Variants in PPARGC1A observed in about 807,000 individuals in gnomAD.
The protein encoded by PPARGC1A is peroxisome proliferator-activated receptor gamma coactivator 1-alpha.
A neutral mutation model predicts 88.7 loss-of-function variants in PPARGC1A; 25 were observed. The observed-to-expected ratio is 0.28, with a 90% CI of 0.21 to 0.39. The LOEUF (loss-of-function observed/expected upper bound fraction) is 0.39, where lower values mean the gene tolerates loss of function less well. PPARGC1A is among the 10% of genes least tolerant of loss of function. PPARGC1A has a pLI of 1.00. For synonymous variants in PPARGC1A, 363 were observed against 355.6 expected, an observed-to-expected ratio of 1.02 and a Z score of -0.24; for missense variants, 880 against 968.7, an observed-to-expected ratio of 0.91 and a Z score of 1.22.
the PPARGC1A span, among the ~76,000 whole-genome samples, chr4:24,470,679 G>A: frequency 6.6e-6 from 1 of 151,988 alleles, no homozygotes; most frequent in Non-Finnish European, 1.5e-5. The surrounding 1 kb of genome is among the most constrained non-coding windows in gnomAD (Gnocchi z 5.8). Flanking sequence ...CCGCCCGAAC[G>A]GCCGGCGTAC....
chr4:23,804,756 C>T (rs561406365), intron 10 of PPARGC1A, among the ~76,000 whole-genome samples: 2 of 152,258 alleles, frequency 1.3e-5, no homozygotes, highest in African/African-American at 4.8e-5. Flanking sequence ...CTTCCCAAAG[C>T]CTTTGCACAT....
At chr4:23,845,019 A>C (rs1728064144) in intron 2 of PPARGC1A, among the ~76,000 whole-genome samples, 1 of 151,148 alleles carries the variant, frequency 6.6e-6, no homozygotes, top group South Asian at 2.1e-4. Flanking sequence ...ACTTGCAATG[A>C]GTAAGAAATT....
the PPARGC1A span, among the ~76,000 whole-genome samples, chr4:24,357,122 G>A: frequency 6.6e-6 from 1 of 152,216 alleles, no homozygotes; most frequent in Non-Finnish European, 1.5e-5. Flanking sequence ...TGAGCGTTCA[G>A]GTGCCATAGC....
At chr4:24,065,861 C>T in the PPARGC1A span, among the ~76,000 whole-genome samples, 1 of 152,090 alleles carries the variant, frequency 6.6e-6, no homozygotes, top group Non-Finnish European at 1.5e-5. Flanking sequence ...TACAGAGGAA[C>T]CCCCTGTGCT....
At chr4:24,452,920 C>T in the PPARGC1A span, among the ~76,000 whole-genome samples, 3 of 152,160 alleles carry the variant, frequency 2.0e-5, no homozygotes, top group Non-Finnish European at 2.9e-5. Context: ...CTGTGTTCCT[C>T]CTACCCCCTA....
the PPARGC1A span, among the ~76,000 whole-genome samples, chr4:24,153,022 T>G: frequency 1.2e-3 from 182 of 152,356 alleles, no homozygotes; most frequent in African/African-American, 4.2e-3. Context: ...TGTTCTTCCC[T>G]GCTGTGGACA....
the PPARGC1A span, among the ~76,000 whole-genome samples, chr4:24,020,568 A>C: frequency 2.0e-5 from 3 of 152,202 alleles, no homozygotes; most frequent in African/African-American, 4.8e-5. Flanking sequence ...CTGCTACTAG[A>C]GAATTCAATG....
the PPARGC1A span, among the ~76,000 whole-genome samples, chr4:24,339,800 G>A: frequency 6.6e-6 from 1 of 152,148 alleles, no homozygotes; most frequent in Non-Finnish European, 1.5e-5. Context: ...GTGCAGTGGT[G>A]CGATCTCGGC....
At chr4:24,363,805 C>T in the PPARGC1A span, among the ~76,000 whole-genome samples, 3 of 152,194 alleles carry the variant, frequency 2.0e-5, no homozygotes, top group Non-Finnish European at 4.4e-5. Context: ...TTATGCCTTT[C>T]TTCCACTGAG....
chr4:24,174,912 C>T, the PPARGC1A span, among the ~76,000 whole-genome samples: 195 of 152,308 alleles, frequency 1.3e-3, no homozygotes, highest in Admixed American at 0.011. Flanking sequence ...CCCTGCCCAA[C>T]GCAGGGCCTC....
chr4:24,277,119 G>T, the PPARGC1A span, among the ~76,000 whole-genome samples: 5 of 152,142 alleles, frequency 3.3e-5, no homozygotes, highest in African/African-American at 2.4e-5. Context: ...TTGAGGCAGG[G>T]TCTCGCTCTG....
the PPARGC1A span, among the ~76,000 whole-genome samples, chr4:24,223,043 G>A: frequency 5.1e-4 from 78 of 152,206 alleles, no homozygotes; most frequent in African/African-American, 1.6e-3. Flanking sequence ...GCGTAACAGT[G>A]TAAAATGTTT....
the PPARGC1A span, among the ~76,000 whole-genome samples, chr4:24,328,892 A>G: frequency 2.0e-5 from 3 of 152,172 alleles, no homozygotes. Flanking sequence ...CTGGAAAATT[A>G]TAGTCTCGGA....
the PPARGC1A span, among the ~76,000 whole-genome samples, chr4:23,986,232 G>A: frequency 2.0e-5 from 3 of 151,800 alleles, no homozygotes; most frequent in Non-Finnish European, 4.4e-5. Context: ...CCTTAAGGCA[G>A]ATTAAAAAAA....
At chr4:23,880,886 C>G (rs1715793233) in intron 2 of PPARGC1A, 1 of 152,184 alleles carries the variant, frequency 6.6e-6, no homozygotes, top group South Asian at 2.1e-4. Flanking sequence ...CGACTGCATT[C>G]TCACTTGCCA....
chr4:24,308,293 G>GAAAAA, the PPARGC1A span, among the ~76,000 whole-genome samples: 4 of 72,942 alleles, frequency 5.5e-5, no homozygotes, highest in South Asian at 5.7e-4. Context: ...CTCTGCCACC[G>GAAAAA]AAAAAAAAAA....
chr4:24,287,666 A>ACACACACACACAC, the PPARGC1A span, among the ~76,000 whole-genome samples: 2 of 138,528 alleles, frequency 1.4e-5, no homozygotes, highest in African/African-American at 5.0e-5. Context: ...ACACACACAC[A>ACACACACACACAC]ACTGCACTCA....
At chr4:24,130,924 C>T in the PPARGC1A span, among the ~76,000 whole-genome samples, 1 of 152,146 alleles carries the variant, frequency 6.6e-6, no homozygotes, top group Non-Finnish European at 1.5e-5. Context: ...GTCCCCTCAT[C>T]CTAGAGTGCT....
At chr4:24,043,778 T>C in the PPARGC1A span, among the ~76,000 whole-genome samples, 1 of 152,178 alleles carries the variant, frequency 6.6e-6, no homozygotes. Flanking sequence ...ATAGCTATGG[T>C]ATTTGTGGTA....
Sources: gnomAD v4.1 joint callset for allele counts (sites outside exome capture counted in the v4.1 genomes callset) on GRCh38, gnomAD v4.1.1 for gene constraint, Gnocchi (gnomAD v3.1) non-coding constraint, MANE v1.5 for transcripts, NCBI Gene and HGNC (gene_info 2026-07-23, HGNC 2026-07-21) for gene names.